Variants in PIERCE2 observed in about 807,000 individuals in gnomAD.
The protein encoded by PIERCE2 is piercer of microtubule wall 2.
chr15:55,418,274 C>A, the PIERCE2 span: 1 of 1,552,686 alleles, frequency 6.4e-7, no homozygotes, highest in African/African-American at 1.4e-5. Flanking sequence ...GAAATCTGAA[C>A]AACTGCCTCC....
chr15:55,410,813 C>T, the PIERCE2 span: 3 of 152,182 alleles, frequency 2.0e-5, no homozygotes, highest in Admixed American at 6.5e-5. Flanking sequence ...CCACCTTCCA[C>T]CTATAAAGCT....
chr15:55,415,125 T>C, the PIERCE2 span, among the ~76,000 whole-genome samples: 1 of 152,200 alleles, frequency 6.6e-6, no homozygotes, highest in African/African-American at 2.4e-5. Context: ...TCTATTAGTA[T>C]TGTAGCAGGA....
the PIERCE2 span, chr15:55,418,472 C>A: frequency 6.6e-7 from 1 of 1,525,906 alleles, no homozygotes; most frequent in South Asian, 1.2e-5. Context: ...ATTTTCAAGC[C>A]ATATCAGAGC....
At chr15:55,408,633 C>G in the PIERCE2 span, 1 of 616,166 alleles carries the variant, frequency 1.6e-6, no homozygotes, top group Non-Finnish European at 2.9e-6. Flanking sequence ...TACTGATCCA[C>G]CCAGCTATTC....
chr15:55,412,221 A>G, the PIERCE2 span, among the ~76,000 whole-genome samples: 1 of 152,138 alleles, frequency 6.6e-6, no homozygotes, highest in Admixed American at 6.5e-5. Context: ...CCAGTTTTAC[A>G]GATAATATAC....
At chr15:55,414,228 CAG>C in the PIERCE2 span, among the ~76,000 whole-genome samples, 3 of 139,852 alleles carry the variant, frequency 2.1e-5, no homozygotes, top group African/African-American at 5.3e-5. Context: ...TTTTTTGAGA[CAG>C]AGTTTCACTC....
At chr15:55,418,497 A>C in the PIERCE2 span, 1 of 1,528,146 alleles carries the variant, frequency 6.5e-7, no homozygotes, top group African/African-American at 1.4e-5. Flanking sequence ...GGATTTTATC[A>C]AAATAACACT....
the PIERCE2 span, among the ~76,000 whole-genome samples, chr15:55,409,003 C>T: frequency 1.3e-5 from 2 of 152,220 alleles, no homozygotes; most frequent in South Asian, 4.1e-4. Context: ...TGCATTCATA[C>T]CCTACTGTTG....
chr15:55,418,666 T>G, the PIERCE2 span: 1 of 859,972 alleles, frequency 1.2e-6, no homozygotes, highest in Non-Finnish European at 1.7e-6. Context: ...ATAAAAAGTT[T>G]TGAATCAATT....
the PIERCE2 span, chr15:55,408,882 C>T: frequency 2.4e-6 from 2 of 819,996 alleles, no homozygotes; most frequent in Non-Finnish European, 1.9e-6. Context: ...ACCCCACAAC[C>T]CCGAAAAGCA....
chr15:55,413,245 G>C, the PIERCE2 span, among the ~76,000 whole-genome samples: 1 of 150,236 alleles, frequency 6.7e-6, no homozygotes, highest in Non-Finnish European at 1.5e-5. Flanking sequence ...TCCGGCCTGG[G>C]CAAAAGAGTG....
At chr15:55,410,922 T>C in the PIERCE2 span, 2 of 152,216 alleles carry the variant, frequency 1.3e-5, no homozygotes. Context: ...TTATCCAGTA[T>C]CTGTGTTGTT....
the PIERCE2 span, among the ~76,000 whole-genome samples, chr15:55,411,923 C>CAA: frequency 2.0e-5 from 3 of 148,818 alleles, no homozygotes; most frequent in Non-Finnish European, 4.5e-5. Context: ...CTCCTTCTCA[C>CAA]AAAAAAAAAT....
chr15:55,415,829 T>C, the PIERCE2 span, among the ~76,000 whole-genome samples: 21 of 152,316 alleles, frequency 1.4e-4, no homozygotes, highest in Middle Eastern at 3.4e-3. Context: ...TTTTAGTTTT[T>C]ACCTCTTCTT....
At chr15:55,413,485 G>A in the PIERCE2 span, among the ~76,000 whole-genome samples, 1 of 151,860 alleles carries the variant, frequency 6.6e-6, no homozygotes, top group Non-Finnish European at 1.5e-5. Flanking sequence ...AGGGCCGGCC[G>A]TGGTGTCTCA....
At chr15:55,417,264 C>T in the PIERCE2 span, among the ~76,000 whole-genome samples, 1 of 152,116 alleles carries the variant, frequency 6.6e-6, no homozygotes, top group Non-Finnish European at 1.5e-5. Flanking sequence ...GATATTTTCA[C>T]CCTAATTTAC....
the PIERCE2 span, chr15:55,408,858 T>A: frequency 9.0e-7 from 1 of 1,111,366 alleles, no homozygotes; most frequent in East Asian, 2.7e-5. Context: ...CACCACCTAC[T>A]CCTACCACCC....
the PIERCE2 span, among the ~76,000 whole-genome samples, chr15:55,416,729 T>C: frequency 1.7e-4 from 26 of 151,972 alleles, no homozygotes; most frequent in Admixed American, 2.0e-4. Flanking sequence ...GAGGCCAAGG[T>C]AGGTGGATCA....
chr15:55,416,761 C>T, the PIERCE2 span, among the ~76,000 whole-genome samples: 1 of 151,956 alleles, frequency 6.6e-6, no homozygotes, highest in Non-Finnish European at 1.5e-5. Flanking sequence ...GAGTTCGAGA[C>T]CAGTCTGGCC....
Sources: allele counts gnomAD v4.1 joint callset (sites outside exome capture counted in the v4.1 genomes callset), GRCh38; gene constraint gnomAD v4.1.1; transcripts MANE v1.5; gene names NCBI Gene and HGNC (gene_info 2026-07-23, HGNC 2026-07-21).